Variants in GLT1D1 observed in about 807,000 individuals in gnomAD.
GLT1D1 encodes glycosyltransferase 1 domain-containing protein 1.
GLT1D1 carries 21 observed loss-of-function variants against 28.7 expected under a neutral mutation model. The ratio of observed to expected loss-of-function variants is 0.73; its 90% CI spans 0.52 to 1.05. The LOEUF (loss-of-function observed/expected upper bound fraction) is 1.05. GLT1D1 is among the 50% of genes least tolerant of loss of function. The pLI is 0.00. For synonymous variants in GLT1D1, 147 were observed against 124.8 expected (o/e 1.18, Z -1.19); for missense variants, 343 against 330.6 (o/e 1.04, Z -0.29).
At chr12:128,908,346 C>G (rs933106632) in intron 4 of GLT1D1, among the ~76,000 whole-genome samples, 7 of 116,776 alleles carry the variant, frequency 6.0e-5, no homozygotes, top group African/African-American at 2.0e-4. Flanking sequence ...TTCTTTCTTT[C>G]CCTTTCTTTC....
At chr12:128,884,540 C>G (rs1425623848) in intron 2 of GLT1D1, among the ~76,000 whole-genome samples, 1 of 152,166 alleles carries the variant, frequency 6.6e-6, no homozygotes, top group Non-Finnish European at 1.5e-5. Flanking sequence ...AGGGGCCAGG[C>G]ATGGTGGCTC....
chr12:128,902,693 A>G (rs1357503749), intron 4 of GLT1D1, among the ~76,000 whole-genome samples: 1 of 151,608 alleles, frequency 6.6e-6, no homozygotes, highest in Non-Finnish European at 1.5e-5. Context: ...ACATATTGCA[A>G]CAAATTAAAT....
intron 2 of GLT1D1, 119 bp downstream of exon 2, chr12:128,876,181 A>G: frequency 4.6e-6 from 4 of 868,092 alleles, no homozygotes; most frequent in Non-Finnish European, 7.0e-6. Flanking sequence ...AATGGGAGAC[A>G]TGCAATAATC....
chr12:128,939,969 A>G (rs1339215514), intron 4 of GLT1D1, among the ~76,000 whole-genome samples: 3 of 151,400 alleles, frequency 2.0e-5, no homozygotes, highest in Non-Finnish European at 4.4e-5. Flanking sequence ...ATATATATAT[A>G]TATATCTTAT....
At chr12:128,884,318 G>A (rs1957129925) in intron 2 of GLT1D1, among the ~76,000 whole-genome samples, 1 of 152,214 alleles carries the variant, frequency 6.6e-6, no homozygotes, top group South Asian at 2.1e-4. Context: ...ATACCACATG[G>A]TTCTCACTTG....
intron 7 of GLT1D1, among the ~76,000 whole-genome samples, chr12:128,958,830 C>CTTTTTT (rs71072432): frequency 2.3e-4 from 19 of 83,856 alleles, no homozygotes; most frequent in South Asian, 4.8e-4. Context: ...AAATAAAAAT[C>CTTTTTT]TTTTTTTTTT....
At chr12:128,981,185 T>C (rs1346662771) in intron 7 of GLT1D1, among the ~76,000 whole-genome samples, 1 of 152,196 alleles carries the variant, frequency 6.6e-6, no homozygotes, top group African/African-American at 2.4e-5. Flanking sequence ...CCCCCCTCTC[T>C]CTTGCTTTAT....
intron 1 of GLT1D1, among the ~76,000 whole-genome samples, chr12:128,863,795 A>AAGT (rs1009438752): frequency 6.6e-6 from 1 of 152,002 alleles, no homozygotes; most frequent in Non-Finnish European, 1.5e-5. Context: ...AATACAAAAA[A>AAGT]AGTAGCCACA....
At chr12:128,868,355 CT>C (rs1282772787) in intron 1 of GLT1D1, among the ~76,000 whole-genome samples, 1 of 152,138 alleles carries the variant, frequency 6.6e-6, no homozygotes, top group Non-Finnish European at 1.5e-5. Flanking sequence ...CAGGAGCACC[CT>C]TGGATCTGGA....
intron 4 of GLT1D1, among the ~76,000 whole-genome samples, chr12:128,939,316 C>G (rs1874879155): frequency 6.6e-6 from 1 of 151,616 alleles, no homozygotes; most frequent in South Asian, 2.1e-4. Flanking sequence ...AATCCTAGCA[C>G]TTTGGGAGGC....
chr12:128,931,367 G>C (rs1873863480), intron 4 of GLT1D1, among the ~76,000 whole-genome samples: 2 of 150,900 alleles, frequency 1.3e-5, no homozygotes, highest in African/African-American at 4.9e-5. Context: ...GAGTGCAGTG[G>C]TGCGATCTCG....
intron 4 of GLT1D1, among the ~76,000 whole-genome samples, chr12:128,908,331 T>C (rs569666406): frequency 2.1e-5 from 3 of 142,528 alleles, no homozygotes; most frequent in Admixed American, 7.2e-5. Flanking sequence ...TCCTTCTTTC[T>C]TTCTTTCTTT....
intron 4 of GLT1D1, among the ~76,000 whole-genome samples, chr12:128,912,828 A>C (rs1215678264): frequency 6.6e-6 from 1 of 151,124 alleles, no homozygotes. Context: ...CGCCATGCCC[A>C]GCTGATTTTT....
In GLT1D1 at chr12:128,945,332, C is replaced by A. The variant is rs775603956; in HGVS notation, c.382C>A (p.Pro128Thr). 8 of 1,614,026 alleles carry A rather than the reference C, an allele frequency of 5.0e-6. No homozygotes were observed. The highest frequency in any genetic ancestry group is 6.8e-6 in the Non-Finnish European group (8 of 1,179,886). The change falls in exon 5 of 8, where the codon CCA becomes ACA. Residue 128 changes from proline (P) to threonine (T), a missense_variant. Physicochemically the swap from Pro to Thr is conservative, Grantham distance 38 (BLOSUM62 -1). Coordinates refer to ENST00000281703, the MANE Select transcript of GLT1D1 (RefSeq NM_144669.3). The stretch of plus-strand genomic sequence containing the variant: ...TATCTTTGTCTCTTTTCAGGTCGAT[C>A]CAGTGTTTACAAGGGAAGTGAAAGC...
intron 5 of GLT1D1, among the ~76,000 whole-genome samples, chr12:128,947,111 A>G (rs923486478): frequency 1.3e-5 from 2 of 152,210 alleles, no homozygotes; most frequent in Non-Finnish European, 2.9e-5. Context: ...TTTATGGAGC[A>G]TATGGAAAAC....
chr12:128,928,235 C>T (rs535819898), intron 4 of GLT1D1, among the ~76,000 whole-genome samples: 1 of 151,972 alleles, frequency 6.6e-6, no homozygotes, highest in African/African-American at 2.4e-5. Context: ...CCTTTGGGAG[C>T]CTTGTTGTGT....
chr12:128,979,360 C>T (rs1880100486), intron 7 of GLT1D1, among the ~76,000 whole-genome samples: 1 of 152,034 alleles, frequency 6.6e-6, no homozygotes, highest in South Asian at 2.1e-4. Context: ...CTCTCGGTGG[C>T]TGGGCCACAT....
At chr12:128,900,273 T>G (rs924237156) in intron 4 of GLT1D1, among the ~76,000 whole-genome samples, 1 of 152,224 alleles carries the variant, frequency 6.6e-6, no homozygotes, top group Non-Finnish European at 1.5e-5. Context: ...CCCTGATCAT[T>G]TGCAGGCGTT....
At chr12:128,856,905 G>T (rs1204393512) in intron 1 of GLT1D1, among the ~76,000 whole-genome samples, 1 of 152,138 alleles carries the variant, frequency 6.6e-6, no homozygotes, top group Non-Finnish European at 1.5e-5. Context: ...GGCGGAGGTT[G>T]CATGAGCCAA....
Sources: gnomAD v4.1 joint callset for allele counts (sites outside exome capture counted in the v4.1 genomes callset) on GRCh38, gnomAD v4.1.1 for gene constraint, MANE v1.5 for transcripts, NCBI Gene and HGNC (gene_info 2026-07-23, HGNC 2026-07-21) for gene names.